Variants in SCN2A observed in about 807,000 individuals in gnomAD.
SCN2A encodes sodium voltage-gated channel alpha subunit 2, also known as sodium channel protein type 2 subunit alpha.
A neutral mutation model predicts 188.7 loss-of-function variants in SCN2A; 20 were observed. That is an observed-to-expected ratio of 0.11 (90% CI 0.07 to 0.15). The LOEUF is 0.15. SCN2A is among the 10% of genes least tolerant of loss of function. The pLI is 1.00. For missense variants in SCN2A, 1,278 were observed against 2,445.0 expected (o/e 0.52, Z 10.07); for synonymous variants, 804 against 833.1 (o/e 0.97, Z 0.60).
chr2:165,281,180 A>T (rs776615661), intron 1 of SCN2A, among the ~76,000 whole-genome samples: 1 of 152,154 alleles, frequency 6.6e-6, no homozygotes, highest in Non-Finnish European at 1.5e-5. Context: ...TTGCCACTAC[A>T]CACTAGTCTG....
chr2:165,299,167 C>T (rs1455270754), intron 3 of SCN2A, among the ~76,000 whole-genome samples: 6 of 151,824 alleles, frequency 4.0e-5, no homozygotes, highest in African/African-American at 1.2e-4. Context: ...AAAAGAGACT[C>T]CTGGTGGTAG....
intron 14 of SCN2A, among the ~76,000 whole-genome samples, chr2:165,333,547 A>G (rs1023802682): frequency 1.3e-5 from 2 of 151,976 alleles, no homozygotes; most frequent in Non-Finnish European, 2.9e-5. Context: ...GCTCTTAAAT[A>G]ACCAATGAGT....
At chr2:165,353,125 T>A (rs1480388828) in intron 16 of SCN2A, among the ~76,000 whole-genome samples, 1 of 152,086 alleles carries the variant, frequency 6.6e-6, no homozygotes, top group Non-Finnish European at 1.5e-5. Context: ...GTGGAGCCTA[T>A]TTTTAAAGAC....
intron 1 of SCN2A, chr2:165,294,179 T>C: frequency 1.4e-5 from 12 of 857,490 alleles, no homozygotes; most frequent in Non-Finnish European, 1.7e-5. Context: ...CTGTGATGCT[T>C]CTCTACCTTT....
chr2:165,246,555 A>C (rs923399212), intron 1 of SCN2A, among the ~76,000 whole-genome samples: 1 of 152,106 alleles, frequency 6.6e-6, no homozygotes, highest in African/African-American at 2.4e-5. Context: ...TACTTTGATT[A>C]TCTCTCACTA....
At chr2:165,319,150 C>G (rs1012695424) in intron 11 of SCN2A, among the ~76,000 whole-genome samples, 22 of 152,080 alleles carry the variant, frequency 1.4e-4, no homozygotes, top group Admixed American at 1.4e-3. Flanking sequence ...TCCTGGCTAA[C>G]ACGGTGAAAC....
At chr2:165,258,498 G>T (rs895592870) in intron 1 of SCN2A, among the ~76,000 whole-genome samples, 11 of 152,154 alleles carry the variant, frequency 7.2e-5, no homozygotes, top group Admixed American at 1.3e-4. Flanking sequence ...TTGTAAATTA[G>T]TTCAGCAATT....
intron 1 of SCN2A, among the ~76,000 whole-genome samples, chr2:165,254,663 T>C (rs1323675893): frequency 1.3e-5 from 2 of 151,844 alleles, no homozygotes; most frequent in African/African-American, 4.8e-5. Flanking sequence ...TACATCATTT[T>C]GACAATTTCA....
At chr2:165,319,884 AC>A (rs1375010393) in intron 11 of SCN2A, among the ~76,000 whole-genome samples, 1 of 151,886 alleles carries the variant, frequency 6.6e-6, no homozygotes, top group Admixed American at 6.6e-5. Flanking sequence ...ATGTCATTCC[AC>A]CCCCGGCCCC....
intron 17 of SCN2A, among the ~76,000 whole-genome samples, chr2:165,359,390 C>A (rs1700339371): frequency 6.6e-6 from 1 of 151,966 alleles, no homozygotes; most frequent in Admixed American, 6.6e-5. Context: ...CCCATTTTGC[C>A]AATTTCCTGT....
At chr2:165,299,502 T>G (rs893981216) in intron 3 of SCN2A, among the ~76,000 whole-genome samples, 1 of 152,234 alleles carries the variant, frequency 6.6e-6, no homozygotes, top group Admixed American at 6.5e-5. Context: ...ATTTCCTGAC[T>G]TAAAGTGTTA....
intron 16 of SCN2A, among the ~76,000 whole-genome samples, chr2:165,350,436 T>G (rs1046966312): frequency 2.7e-5 from 4 of 150,442 alleles, no homozygotes; most frequent in African/African-American, 9.8e-5. Context: ...TTTCAGTCCC[T>G]GAGTGAGCTT....
intron 11 of SCN2A, among the ~76,000 whole-genome samples, chr2:165,316,569 C>A (rs1697761349): frequency 6.6e-6 from 1 of 152,120 alleles, no homozygotes; most frequent in African/African-American, 2.4e-5. Context: ...ATAACAATTA[C>A]AACAACAACA....
chr2:165,315,484 C>T lies in SCN2A; in HGVS notation c.1397C>T (p.Ala466Val), dbSNP rs796053185. ...QQEEAQAAAAAASAESRDFSG... is the reference protein window; with the variant it reads ...QQEEAQAAAAVASAESRDFSG... ...GCGCCCTTCTAGGCGGCAGCTGCAG[C>T]CGCATCTGCTGAATCAAGAGACTTC... The change falls in exon 11 of 27, where the codon GCC (alanine) becomes GTC (valine). Residue 466 changes from alanine (A) to valine (V), a missense_variant. By Grantham distance (64) the Ala-to-Val change is moderately conservative. Around this residue, in one of 17 missense-constraint regions of SCN2A, gnomAD observed 315 missense variants for 386.6 expected, o/e 0.81. Transcript: ENST00000375437. The T allele has an allele frequency of 1.2e-6, 2 of 1,613,884 alleles. No individual in the cohort carries two copies. The highest frequency in any genetic ancestry group is 3.3e-5 in the Admixed American group (2 of 60,006).
intron 22 of SCN2A, among the ~76,000 whole-genome samples, chr2:165,376,312 TTTTA>T (rs895354644): frequency 1.3e-5 from 2 of 151,932 alleles, no homozygotes; most frequent in African/African-American, 2.4e-5. Flanking sequence ...ATATATTCAT[TTTTA>T]TTTGTCAATT....
chr2:165,292,726 T>A (rs1466542052), intron 1 of SCN2A, among the ~76,000 whole-genome samples: 1 of 152,214 alleles, frequency 6.6e-6, no homozygotes, highest in Non-Finnish European at 1.5e-5. Flanking sequence ...TGAGTAATGA[T>A]CACAGATTTT....
At chr2:165,325,180 G>A (rs1161005767) in intron 12 of SCN2A, among the ~76,000 whole-genome samples, 3 of 152,168 alleles carry the variant, frequency 2.0e-5, no homozygotes, top group African/African-American at 7.2e-5. Context: ...CTGTCAGTCT[G>A]TCAGAAATTA....
chr2:165,354,775 G>A lies in SCN2A; in HGVS notation c.3399+104G>A, dbSNP rs532161442. ...GTGTTTCCTTCCTGTTAAGAAAATA[G>A]AAAATATCTGTCTAGCAATATATTT... is the stretch of plus-strand genomic sequence containing the variant. On this transcript the variant is annotated intron_variant, in intron 17 of 26. Transcript: ENST00000375437. 2,877 of 1,125,744 alleles carry A rather than the reference G, an allele frequency of 2.6e-3. 2 individuals carry two copies. The highest frequency in any genetic ancestry group is 3.2e-3 in the Non-Finnish European group (2,533 of 779,976). 69.7% of individuals were successfully genotyped at this position (1,125,744 alleles called of 1,614,324 possible). A position where few individuals can be genotyped will look rare whatever the true frequency, so the allele number is the denominator to read the frequency against.
At chr2:165,264,421 C>T (rs1694747854) in intron 1 of SCN2A, among the ~76,000 whole-genome samples, 1 of 152,090 alleles carries the variant, frequency 6.6e-6, no homozygotes, top group African/African-American at 2.4e-5. Flanking sequence ...TTATAACCCT[C>T]AACAAAATCA....
Sources: allele counts gnomAD v4.1 joint callset (sites outside exome capture counted in the v4.1 genomes callset), GRCh38; gene constraint gnomAD v4.1.1; regional missense constraint gnomAD v4.1.1; transcripts MANE v1.5; gene names NCBI Gene and HGNC (gene_info 2026-07-23, HGNC 2026-07-21).